Variants in SLAIN2 observed in about 807,000 individuals in gnomAD.
The protein encoded by SLAIN2 is SLAIN motif-containing protein 2.
A neutral mutation model predicts 56.6 loss-of-function variants in SLAIN2; 31 were observed. The ratio of observed to expected loss-of-function variants is 0.55; its 90% confidence interval spans 0.41 to 0.74. SLAIN2 has a LOEUF of 0.74. SLAIN2 is among the 30% of genes least tolerant of loss of function. The pLI, the probability that SLAIN2 is intolerant of heterozygous loss-of-function variation, is 0.00. For synonymous variants in SLAIN2, 317 were observed against 284.9 expected, an observed-to-expected ratio of 1.11 and a Z score of -1.13; for missense variants, 777 against 754.2, an observed-to-expected ratio of 1.03 and a Z score of -0.35.
At position 48,378,193 on chromosome 4, in the gene SLAIN2, T is replaced by C. The variant is rs1363827731; in HGVS notation, c.703+133T>C. ...TTTAACTGGTTAAAGAAAATATCGT[T>C]GAGGAGCAACTTAGCACCAGGTACT... On this transcript the variant is annotated intron_variant, in intron 3 of 7. Transcript: ENST00000264313. 1.4e-4 allele frequency: 136 copies of C among 974,754 alleles called. No individual in the cohort carries two copies. In the East Asian group the frequency reaches 3.3e-3, roughly 24 times the overall value. 60.4% of individuals were successfully genotyped at this position (974,754 alleles called of 1,614,324 possible).
intron 2 of SLAIN2, among the ~76,000 whole-genome samples, chr4:48,372,616 C>A (rs1364188745): frequency 6.6e-6 from 1 of 152,128 alleles, no homozygotes; most frequent in Admixed American, 6.5e-5. Context: ...TCAAAAATAG[C>A]AATTTTGAGT....
At chr4:48,421,755 C>T (rs1717161897) in intron 7 of SLAIN2, among the ~76,000 whole-genome samples, 1 of 151,218 alleles carries the variant, frequency 6.6e-6, no homozygotes, top group African/African-American at 2.4e-5. Context: ...AAAGGTGAGA[C>T]CATCTTTTCC....
At chr4:48,392,921 A>C (rs1716273777) in intron 6 of SLAIN2, among the ~76,000 whole-genome samples, 1 of 150,028 alleles carries the variant, frequency 6.7e-6, no homozygotes, top group Admixed American at 6.7e-5. Flanking sequence ...CTAAAACAGT[A>C]CCTGGAATAA....
intron 6 of SLAIN2, chr4:48,394,696 T>C (rs1196429466): frequency 6.7e-7 from 1 of 1,490,462 alleles, no homozygotes; most frequent in Non-Finnish European, 9.0e-7. Flanking sequence ...CAGCAAATGA[T>C]CTAGTTAAAT....
rs759874368 is a variant in SLAIN2 at position 48,420,275 on chromosome 4, C to T, written c.1511C>T (p.Pro504Leu). Residue 504 changes from proline to leucine, a missense_variant, in exon 7 of 8, where the codon CCT (proline) becomes CTT (leucine). By Grantham distance (98) the Pro-to-Leu change is moderately conservative (BLOSUM62 -3). Coordinates refer to ENST00000264313, the MANE Select transcript of SLAIN2 (RefSeq NM_020846.2). ...LTQTTSSPGP[P>L]MVQSTVSANP... is the part of the protein sequence containing the mutation. The stretch of plus-strand genomic sequence containing the variant: ...CAAACCACCTCCTCACCTGGGCCTC[C>T]TATGGTTCAGAGCACAGTCTCAGCA... 80 of 1,613,930 alleles carry T rather than the reference C, an allele frequency of 5.0e-5. No individual in the cohort carries two copies. The highest frequency in any genetic ancestry group is 1.5e-4 in the South Asian group (14 of 91,082).
Position 48,383,697 on chromosome 4 carries a change from G to C in SLAIN2, c.1273G>C (p.Val425Leu). 8.7e-6 allele frequency: 14 copies of C among 1,609,952 alleles called. No homozygotes were observed. The highest frequency in any genetic ancestry group is 1.2e-5 in the Non-Finnish European group (14 of 1,177,562). Reference sequence around the variant, plus strand: ...CCTGTCCCGAACATCTAATACACAAGTTGACTCAGTGAAAAGCAGCAGAAG... The same window carrying C: ...CCTGTCCCGAACATCTAATACACAACTTGACTCAGTGAAAAGCAGCAGAAG... ...PNLSRTSNTQ[V>L]DSVKSSRSDS... is the part of the protein sequence containing the mutation. Residue 425 changes from valine to leucine, a missense_variant, in exon 6 of 8, where the codon GTT becomes CTT. By Grantham distance (32) the Val-to-Leu change is conservative. Coordinates refer to ENST00000264313, the MANE Select transcript of SLAIN2 (RefSeq NM_020846.2).
At chr4:48,356,305 C>T (rs1221990685) in intron 1 of SLAIN2, among the ~76,000 whole-genome samples, 2 of 152,144 alleles carry the variant, frequency 1.3e-5, no homozygotes, top group East Asian at 3.8e-4. Context: ...CATATCCATA[C>T]ATATACCCAT....
At chr4:48,386,230 T>C (rs1278336602) in intron 6 of SLAIN2, among the ~76,000 whole-genome samples, 1 of 152,216 alleles carries the variant, frequency 6.6e-6, no homozygotes, top group East Asian at 1.9e-4. Context: ...TGTATTTAGA[T>C]GCATAATCTT....
intron 1 of SLAIN2, among the ~76,000 whole-genome samples, chr4:48,342,462 C>T (rs1361240131): frequency 6.6e-6 from 1 of 152,128 alleles, no homozygotes; most frequent in African/African-American, 2.4e-5. Context: ...GGCAGGGATC[C>T]TGCTTTGTGT....
chr4:48,423,135 A>G lies in SLAIN2; in HGVS notation c.*1058A>G, dbSNP rs1416398111. On this transcript the variant is annotated 3_prime_UTR_variant, in exon 8 of 8. Coordinates refer to ENST00000264313, the MANE Select transcript of SLAIN2 (RefSeq NM_020846.2). The stretch of plus-strand genomic sequence containing the variant: ...TTGCTATTACATGGCATAACGGTCT[A>G]TTATGTGGTAGGAAAATATAGCCTG... 3.9e-5 allele frequency: 6 copies of G among 152,172 alleles called. No homozygotes were observed. Among genetic ancestry groups the G allele is most frequent in the African/African-American group, 9.7e-5 (4 of 41,450 alleles). The allele number at this position is 152,172 out of a possible 1,614,324, so 9.4% of individuals were successfully genotyped here.
intron 2 of SLAIN2, among the ~76,000 whole-genome samples, chr4:48,372,116 G>C (rs1390555895): frequency 6.6e-6 from 1 of 151,156 alleles, no homozygotes; most frequent in Non-Finnish European, 1.5e-5. Flanking sequence ...CCCCACCTTA[G>C]AAATAATATA....
chr4:48,363,503 C>T (rs1368736013), intron 1 of SLAIN2, among the ~76,000 whole-genome samples: 2 of 65,716 alleles, frequency 3.0e-5, no homozygotes, highest in African/African-American at 9.9e-5. Flanking sequence ...CTCCTCACTT[C>T]CCAGTAGGGG....
intron 6 of SLAIN2, chr4:48,387,550 T>C (rs570571641): frequency 3.3e-5 from 5 of 152,014 alleles, no homozygotes; most frequent in African/African-American, 9.6e-5. Flanking sequence ...TTTTTTTTTT[T>C]CCAATTGTAT....
intron 6 of SLAIN2, among the ~76,000 whole-genome samples, chr4:48,418,763 C>T (rs1717065525): frequency 6.6e-6 from 1 of 152,092 alleles, no homozygotes. Context: ...AAGGTTGCTC[C>T]CAACCTCCAA....
chr4:48,361,435 T>C lies in SLAIN2; in HGVS notation c.390-8414T>C, dbSNP rs530856832. Among the ~76,000 whole-genome samples the C allele has an allele frequency of 1.2e-4, 19 of 152,270 alleles. No homozygotes were observed. In the South Asian group the frequency reaches 3.5e-3, roughly 28 times the overall value. On this transcript the variant is annotated intron_variant, in intron 1 of 7. Transcript: ENST00000264313. ...AGAACTACAACAGTTAAATCATTGGTTAGGTCTCTAGAGCTGTGGGGATCA... is the reference window on the plus strand; with the variant it reads ...AGAACTACAACAGTTAAATCATTGGCTAGGTCTCTAGAGCTGTGGGGATCA...
intron 7 of SLAIN2, among the ~76,000 whole-genome samples, chr4:48,420,860 C>A (rs552144369): frequency 6.6e-6 from 1 of 152,196 alleles, no homozygotes; most frequent in African/African-American, 2.4e-5. Flanking sequence ...GGTTTTCAAA[C>A]CCTTATTCTA....
At chr4:48,404,746 C>G (rs1232786646) in intron 6 of SLAIN2, among the ~76,000 whole-genome samples, 1 of 152,218 alleles carries the variant, frequency 6.6e-6, no homozygotes, top group Non-Finnish European at 1.5e-5. Flanking sequence ...GTAGTTAAAT[C>G]TTGATTACAG....
chr4:48,362,358 T>A (rs1402304647), intron 1 of SLAIN2, among the ~76,000 whole-genome samples: 2 of 152,186 alleles, frequency 1.3e-5, no homozygotes, highest in East Asian at 3.8e-4. Flanking sequence ...CTTTTCTTTC[T>A]GGGAAGGTTT....
At chr4:48,369,496 C>T (rs1715610418) in intron 1 of SLAIN2, among the ~76,000 whole-genome samples, 1 of 152,136 alleles carries the variant, frequency 6.6e-6, no homozygotes, top group African/African-American at 2.4e-5. Flanking sequence ...AAGAATTTAG[C>T]TCCTTCTTCT....
Sources: allele counts gnomAD v4.1 joint callset (sites outside exome capture counted in the v4.1 genomes callset), GRCh38; gene constraint gnomAD v4.1.1; transcripts MANE v1.5; gene names NCBI Gene and HGNC (gene_info 2026-07-23, HGNC 2026-07-21).